LOC128092252: variants seen among roughly 807,000 people sequenced by gnomAD.
chr15:50,671,647 A>AAG, the LOC128092252 span, among the ~76,000 whole-genome samples: 1 of 150,780 alleles, frequency 6.6e-6, no homozygotes, highest in African/African-American at 2.5e-5. Flanking sequence ...TGTCGCTACA[A>AAG]AAGTTTTTTT....
At chr15:50,664,720 A>G in the LOC128092252 span, among the ~76,000 whole-genome samples, 1 of 152,076 alleles carries the variant, frequency 6.6e-6, no homozygotes, top group Non-Finnish European at 1.5e-5. Flanking sequence ...TAACCCCAGC[A>G]CTCTGGGAGG....
At chr15:50,658,484 T>C in the LOC128092252 span, among the ~76,000 whole-genome samples, 2 of 150,424 alleles carry the variant, frequency 1.3e-5, no homozygotes, top group Non-Finnish European at 3.0e-5. Context: ...GTGGGAGGAT[T>C]CCTTGAGCAT....
At chr15:50,659,806 T>G in the LOC128092252 span, among the ~76,000 whole-genome samples, 1 of 152,098 alleles carries the variant, frequency 6.6e-6, no homozygotes, top group African/African-American at 2.4e-5. Context: ...TAGCTGGGAT[T>G]ACAAGTGCCC....
At chr15:50,654,945 G>A in the LOC128092252 span, among the ~76,000 whole-genome samples, 3 of 145,358 alleles carry the variant, frequency 2.1e-5, no homozygotes, top group South Asian at 4.3e-4. Context: ...AGCTTGCAGT[G>A]AGCTGAGACT....
the LOC128092252 span, among the ~76,000 whole-genome samples, chr15:50,677,565 C>G: frequency 1.3e-5 from 2 of 151,358 alleles, no homozygotes; most frequent in Non-Finnish European, 2.9e-5. Context: ...ATGGTGAAAC[C>G]CCATCCCTAC....
At chr15:50,666,693 T>C in the LOC128092252 span, among the ~76,000 whole-genome samples, 3 of 151,832 alleles carry the variant, frequency 2.0e-5, no homozygotes, top group South Asian at 2.1e-4. Context: ...TCGCAGCTAC[T>C]TGGAAGGCTG....
At chr15:50,680,007 G>C in the LOC128092252 span, among the ~76,000 whole-genome samples, 7 of 152,102 alleles carry the variant, frequency 4.6e-5, no homozygotes, top group African/African-American at 1.7e-4. Flanking sequence ...GCCAAGGTGG[G>C]TGGATCACTT....
the LOC128092252 span, among the ~76,000 whole-genome samples, chr15:50,683,411 C>T: frequency 5.9e-5 from 9 of 151,612 alleles, no homozygotes; most frequent in African/African-American, 2.2e-4. Flanking sequence ...TCAGACAACA[C>T]GAATCCACTG....
At chr15:50,649,536 AATC>A in the LOC128092252 span, among the ~76,000 whole-genome samples, 2 of 152,326 alleles carry the variant, frequency 1.3e-5, no homozygotes, top group South Asian at 4.1e-4. Context: ...TAAATCTCAA[AATC>A]ATCATACTGA....
chr15:50,650,467 G>A, the LOC128092252 span, among the ~76,000 whole-genome samples: 1 of 152,014 alleles, frequency 6.6e-6, no homozygotes, highest in Non-Finnish European at 1.5e-5. Context: ...AGCCAAGGTG[G>A]ATGGATCACC....
chr15:50,682,758 C>G, the LOC128092252 span, among the ~76,000 whole-genome samples: 1 of 152,128 alleles, frequency 6.6e-6, no homozygotes. Context: ...CTAATAATTG[C>G]AAAGCATCAT....
At chr15:50,676,279 G>C in the LOC128092252 span, among the ~76,000 whole-genome samples, 1 of 152,224 alleles carries the variant, frequency 6.6e-6, no homozygotes, top group South Asian at 2.1e-4. Context: ...AAATTCTGCT[G>C]TTAAGGTAAC....
At chr15:50,659,803 G>C in the LOC128092252 span, among the ~76,000 whole-genome samples, 2 of 151,996 alleles carry the variant, frequency 1.3e-5, no homozygotes, top group Admixed American at 1.3e-4. Context: ...AAGTAGCTGG[G>C]ATTACAAGTG....
the LOC128092252 span, among the ~76,000 whole-genome samples, chr15:50,676,976 A>C: frequency 6.6e-6 from 1 of 152,316 alleles, no homozygotes; most frequent in East Asian, 1.9e-4. Flanking sequence ...CCTGCTGCCC[A>C]TTGTAGGAGA....
At chr15:50,648,817 T>A in the LOC128092252 span, 9 of 1,613,104 alleles carry the variant, frequency 5.6e-6, no homozygotes, top group South Asian at 9.9e-5. Flanking sequence ...CAATTTCACA[T>A]CTGAGTATTT....
At chr15:50,651,012 C>A in the LOC128092252 span, among the ~76,000 whole-genome samples, 2 of 152,054 alleles carry the variant, frequency 1.3e-5, no homozygotes, top group Non-Finnish European at 2.9e-5. Flanking sequence ...ACATGGTGAA[C>A]CCCATCTCTA....
At chr15:50,651,283 A>G in the LOC128092252 span, among the ~76,000 whole-genome samples, 1 of 152,346 alleles carries the variant, frequency 6.6e-6, no homozygotes, top group South Asian at 2.1e-4. Context: ...AGACCAGAAA[A>G]GAACGAGATG....
At chr15:50,656,899 T>C in the LOC128092252 span, among the ~76,000 whole-genome samples, 1 of 152,236 alleles carries the variant, frequency 6.6e-6, no homozygotes, top group East Asian at 1.9e-4. Context: ...GCCCTTCAAA[T>C]ATGCCTACTT....
chr15:50,667,574 C>T, the LOC128092252 span, among the ~76,000 whole-genome samples: 3 of 152,028 alleles, frequency 2.0e-5, no homozygotes, highest in Non-Finnish European at 4.4e-5. Flanking sequence ...GGGAATGGTG[C>T]CTTGCACCTG....
Sources: allele counts gnomAD v4.1 joint callset (sites outside exome capture counted in the v4.1 genomes callset), GRCh38; gene constraint gnomAD v4.1.1; transcripts MANE v1.5.